The following EFNA5 variants were observed in gnomAD, a reference collection of about 807,000 sequenced individuals.
EFNA5 encodes ephrin-A5.
EFNA5 carries 5 observed loss-of-function variants against 22.9 expected under a neutral mutation model. The observed-to-expected ratio is 0.22, with a 90% confidence interval of 0.11 to 0.46. The LOEUF (loss-of-function observed/expected upper bound fraction) is 0.46, where lower values mean the gene tolerates loss of function less well. Among genes scored for constraint, EFNA5 ranks in the 20% least tolerant of loss-of-function variants. The pLI is 0.99. For missense variants in EFNA5, 237 were observed against 293.3 expected (o/e 0.81, Z 1.40); for synonymous variants, 113 against 112.2 (o/e 1.01, Z -0.04).
chr5:107,486,000 G>A (rs561687514), intron 1 of EFNA5, among the ~76,000 whole-genome samples: 17 of 152,240 alleles, frequency 1.1e-4, no homozygotes, highest in Non-Finnish European at 2.1e-4. Context: ...CCTTTAAAAC[G>A]TGCCAAGACA....
chr5:107,479,823 C>T (rs1379219402), intron 1 of EFNA5, among the ~76,000 whole-genome samples: 1 of 152,190 alleles, frequency 6.6e-6, no homozygotes, highest in Non-Finnish European at 1.5e-5. Flanking sequence ...ATCACACTGA[C>T]AAACTGAGTC....
chr5:107,541,724 C>T (rs898282364), intron 1 of EFNA5, among the ~76,000 whole-genome samples: 3 of 152,122 alleles, frequency 2.0e-5, no homozygotes, highest in African/African-American at 7.2e-5. Context: ...TAGCCCAAAG[C>T]TTAACTTATA....
intron 1 of EFNA5, among the ~76,000 whole-genome samples, chr5:107,627,232 T>C (rs1242545944): frequency 1.3e-5 from 2 of 152,156 alleles, no homozygotes; most frequent in East Asian, 1.9e-4. Flanking sequence ...GCTCTCTTCA[T>C]CCCAACAAAT....
chr5:107,512,179 C>T (rs1424536601), intron 1 of EFNA5, among the ~76,000 whole-genome samples: 1 of 152,044 alleles, frequency 6.6e-6, no homozygotes, highest in South Asian at 2.1e-4. Flanking sequence ...CAGGGAAGTC[C>T]CACCCCACTG....
At chr5:107,451,312 G>A (rs756252075) in intron 1 of EFNA5, among the ~76,000 whole-genome samples, 20 of 152,168 alleles carry the variant, frequency 1.3e-4, no homozygotes, top group East Asian at 5.8e-4. Context: ...AATCAACTAC[G>A]TTGGTTTGTA....
At chr5:107,398,127 A>G (rs1340901857) in intron 2 of EFNA5, among the ~76,000 whole-genome samples, 1 of 152,082 alleles carries the variant, frequency 6.6e-6, no homozygotes, top group African/African-American at 2.4e-5. Flanking sequence ...TCAACTTCCC[A>G]GGCTCCCTCT....
intron 1 of EFNA5, among the ~76,000 whole-genome samples, chr5:107,619,662 C>T (rs1468764729): frequency 6.6e-6 from 1 of 151,990 alleles, no homozygotes; most frequent in Admixed American, 6.6e-5. Flanking sequence ...CGGGGTTTCA[C>T]TATGTTGGTC....
At chr5:107,529,193 G>A (rs1016426810) in intron 1 of EFNA5, among the ~76,000 whole-genome samples, 2 of 152,012 alleles carry the variant, frequency 1.3e-5, no homozygotes, top group African/African-American at 4.8e-5. Flanking sequence ...TAGATAAATG[G>A]TTGCTATGAT....
intron 1 of EFNA5, among the ~76,000 whole-genome samples, chr5:107,593,817 C>T (rs1749422080): frequency 6.6e-6 from 1 of 152,194 alleles, no homozygotes; most frequent in Admixed American, 6.5e-5. Context: ...ATTACAAACT[C>T]ACCCAAGATC....
chr5:107,460,575 A>G (rs2112455337), intron 1 of EFNA5, among the ~76,000 whole-genome samples: 1 of 152,286 alleles, frequency 6.6e-6, no homozygotes, highest in African/African-American at 2.4e-5. Context: ...CTGTTTCTTC[A>G]CTTTTTTGGT....
chr5:107,568,884 A>G (rs113477943), intron 1 of EFNA5, among the ~76,000 whole-genome samples: 2 of 152,330 alleles, frequency 1.3e-5, no homozygotes, highest in African/African-American at 4.8e-5. Flanking sequence ...CTCGGTCTTC[A>G]GATTCAGAAA....
chr5:107,633,719 G>A (rs928171192), intron 1 of EFNA5, among the ~76,000 whole-genome samples: 3 of 152,124 alleles, frequency 2.0e-5, no homozygotes, highest in African/African-American at 7.2e-5. Flanking sequence ...GACCAATTTG[G>A]GGACAGCAGG....
chr5:107,570,822 T>C (rs1748786558), intron 1 of EFNA5, among the ~76,000 whole-genome samples: 1 of 152,186 alleles, frequency 6.6e-6, no homozygotes, highest in Non-Finnish European at 1.5e-5. Context: ...AGAGTTTGGA[T>C]TCTATATCCG....
Position 107,571,533 on chromosome 5 carries a change from C to T in EFNA5, c.125+98956G>A, listed in dbSNP as rs147785320. 3.9e-3 allele frequency among the ~76,000 whole-genome samples: 545 copies of T among 138,716 alleles called. 7 individuals carry two copies. Among genetic ancestry groups the T allele is most frequent in the African/African-American group, 0.013 (483 of 38,138 alleles). 91.0% of individuals were successfully genotyped at this position (138,716 alleles called of 152,430 possible). A position where few individuals can be genotyped will look rare whatever the true frequency, so the allele number is the denominator to read the frequency against. On this transcript the variant is annotated intron_variant, in intron 1 of 4. Coordinates refer to ENST00000333274, the MANE Select transcript of EFNA5 (RefSeq NM_001962.3). ...AAGCTGCTTATAAATTACCAAGGGT[C>T]ATCCTCTTTTTTTTTTTTTAAAGAA...
chr5:107,390,279 A>C (rs1377414990), intron 2 of EFNA5, among the ~76,000 whole-genome samples: 1 of 152,216 alleles, frequency 6.6e-6, no homozygotes, highest in Admixed American at 6.5e-5. Context: ...TGTTATGCTC[A>C]AGGTTCTGTC....
At chr5:107,596,568 T>C (rs779600502) in intron 1 of EFNA5, among the ~76,000 whole-genome samples, 2 of 152,222 alleles carry the variant, frequency 1.3e-5, no homozygotes, top group South Asian at 4.1e-4. Context: ...AATGCTGTAA[T>C]GAAATGGATG....
intron 1 of EFNA5, among the ~76,000 whole-genome samples, chr5:107,502,370 T>A (rs568875945): frequency 6.6e-6 from 1 of 152,204 alleles, no homozygotes; most frequent in African/African-American, 2.4e-5. Context: ...CATGCCACAG[T>A]CAACATCAAA....
chr5:107,451,373 G>A (rs1031954551), intron 1 of EFNA5, among the ~76,000 whole-genome samples: 2 of 152,078 alleles, frequency 1.3e-5, no homozygotes, highest in African/African-American at 4.8e-5. Context: ...TAAAAAGCAA[G>A]ACTGTTCAAG....
chr5:107,392,692 A>G (rs992891138), intron 2 of EFNA5, among the ~76,000 whole-genome samples: 13 of 152,222 alleles, frequency 8.5e-5, no homozygotes, highest in African/African-American at 2.4e-4. Flanking sequence ...CTGTACACTA[A>G]CAAATCTGTG....
Sources: gnomAD v4.1 joint callset for allele counts (sites outside exome capture counted in the v4.1 genomes callset) on GRCh38, gnomAD v4.1.1 for gene constraint, MANE v1.5 for transcripts, NCBI Gene and HGNC (gene_info 2026-07-23, HGNC 2026-07-21) for gene names.